The following ZBBX variants were observed in gnomAD, a reference collection of about 807,000 sequenced individuals.
ZBBX encodes zinc finger B-box domain containing.
Under a neutral mutation model 108.5 loss-of-function variants are expected in ZBBX, and 101 were observed. The observed-to-expected ratio is 0.93, with a 90% CI of 0.79 to 1.10. ZBBX has a LOEUF of 1.10. Ranked by LOEUF, ZBBX falls within the 50% of genes least tolerant of loss-of-function variation. The pLI is 0.00. For synonymous variants in ZBBX, 356 were observed against 323.4 expected (o/e 1.10, Z -1.08); for missense variants, 1,009 against 941.4 (o/e 1.07, Z -0.94).
At chr3:167,256,357 G>A (rs892747830) in intron 20 of ZBBX, among the ~76,000 whole-genome samples, 19 of 151,944 alleles carry the variant, frequency 1.3e-4, no homozygotes, top group Non-Finnish European at 2.2e-4. Context: ...TATTTATGGG[G>A]TACATGAAAT....
chr3:167,290,028 C>T (rs1730403593), intron 18 of ZBBX, among the ~76,000 whole-genome samples: 1 of 152,160 alleles, frequency 6.6e-6, no homozygotes, highest in Admixed American at 6.5e-5. Flanking sequence ...GCCAGATTGC[C>T]TTCTCAAGAG....
the ZBBX span, among the ~76,000 whole-genome samples, chr3:167,201,002 T>A: frequency 6.6e-6 from 1 of 152,164 alleles, no homozygotes; most frequent in African/African-American, 2.4e-5. Flanking sequence ...ATAGGCATCA[T>A]GAGCCTGGGT....
intron 18 of ZBBX, among the ~76,000 whole-genome samples, chr3:167,290,516 CA>C (rs904730089): frequency 1.3e-5 from 2 of 151,746 alleles, no homozygotes; most frequent in Non-Finnish European, 2.9e-5. Context: ...ACAACATCAA[CA>C]AAAAAAACAT....
At chr3:167,350,361 T>G in intron 9 of ZBBX, 59 bp downstream of exon 9, 1 of 1,346,738 alleles carries the variant, frequency 7.4e-7, no homozygotes, top group East Asian at 2.4e-5. Context: ...ATTTTAAATG[T>G]CTTTATGTGG....
Position 167,333,887 on chromosome 3 carries a change from C to T in ZBBX, c.627G>A (p.Lys209=), listed in dbSNP as rs779419065. The T allele has an allele frequency of 5.0e-6, 8 of 1,612,512 alleles. No homozygotes were observed. Among genetic ancestry groups the T allele is most frequent in the South Asian group, 2.2e-5 (2 of 90,912 alleles). ...DEPKEENNST[K]ETSKIQHKPK... ...GTTTATGTTGAATTTTACTGGTTTC[C>T]TTTGTAGAATTATTCTCCTCTTTGG... The change falls in exon 10 of 22, where the codon AAG becomes AAA. Residue 209 remains lysine, a synonymous_variant. Coordinates refer to ENST00000675490, the MANE Select transcript of ZBBX (RefSeq NM_001199201.2).
At chr3:167,256,428 T>C (rs1419377349) in intron 20 of ZBBX, among the ~76,000 whole-genome samples, 1 of 149,988 alleles carries the variant, frequency 6.7e-6, no homozygotes, top group Non-Finnish European at 1.5e-5. Flanking sequence ...TATCCATCCC[T>C]TCAAGCACTT....
chr3:167,374,770 G>A (rs1746687315), intron 2 of ZBBX, among the ~76,000 whole-genome samples: 1 of 152,104 alleles, frequency 6.6e-6, no homozygotes, highest in Non-Finnish European at 1.5e-5. Context: ...ATTTATACAT[G>A]TGATAATATA....
At chr3:167,301,968 A>C (rs1157115304) in intron 17 of ZBBX, among the ~76,000 whole-genome samples, 2 of 151,692 alleles carry the variant, frequency 1.3e-5, no homozygotes, top group East Asian at 3.9e-4. Context: ...AAAAAAAAAA[A>C]AAAAAAAAAA....
At chr3:167,253,430 T>A (rs563496168) in intron 20 of ZBBX, among the ~76,000 whole-genome samples, 1 of 151,768 alleles carries the variant, frequency 6.6e-6, no homozygotes, top group African/African-American at 2.4e-5. Context: ...GACAAGAAAA[T>A]TGCAAATCTG....
chr3:167,248,701 T>C (rs937906198), intron 20 of ZBBX: 5 of 456,052 alleles, frequency 1.1e-5, no homozygotes, highest in Non-Finnish European at 2.2e-5. Context: ...ACAGGTATAA[T>C]GTAAATGGGC....
the ZBBX span, among the ~76,000 whole-genome samples, chr3:167,195,190 C>G: frequency 2.0e-5 from 3 of 152,140 alleles, no homozygotes; most frequent in Non-Finnish European, 4.4e-5. Flanking sequence ...TAATCAGTGA[C>G]AGCAAAGACC....
At chr3:167,189,114 G>C in the ZBBX span, among the ~76,000 whole-genome samples, 5 of 152,032 alleles carry the variant, frequency 3.3e-5, no homozygotes, top group East Asian at 9.7e-4. Context: ...AATTAAGTTT[G>C]GTCTAGAGTA....
Position 167,350,483 on chromosome 3 carries a change from T to C in ZBBX, c.465A>G (p.Ser155=). 2 of 1,593,184 alleles carry C rather than the reference T, an allele frequency of 1.3e-6. No homozygotes were observed. The highest frequency in any genetic ancestry group is 1.7e-5 in the Admixed American group (1 of 59,440). The change falls in exon 9 of 22, where the codon TCA becomes TCG. Residue 155 remains serine (S), a synonymous_variant. Coordinates refer to ENST00000675490, the MANE Select transcript of ZBBX (RefSeq NM_001199201.2). ...VCLECGEDYC[S]GCFAKVHQKG... ...TCTGGTGAACTTTAGCAAAGCATCC[T>C]GAACAATAATCTTCTCCACATTCAA...
At chr3:167,272,523 G>A (rs1006961757) in intron 20 of ZBBX, among the ~76,000 whole-genome samples, 8 of 152,144 alleles carry the variant, frequency 5.3e-5, no homozygotes, top group South Asian at 2.1e-4. Context: ...CGTCCACCCC[G>A]AAGTCATGGG....
chr3:167,343,268 T>C (rs1015909638), intron 9 of ZBBX, among the ~76,000 whole-genome samples: 28 of 151,870 alleles, frequency 1.8e-4, no homozygotes, highest in African/African-American at 6.5e-4. Flanking sequence ...ATCACAGAAA[T>C]ACTCACCTCT....
the ZBBX span, among the ~76,000 whole-genome samples, chr3:167,193,844 G>A: frequency 2.0e-5 from 3 of 152,048 alleles, no homozygotes; most frequent in African/African-American, 7.2e-5. Flanking sequence ...TGAAACTGCT[G>A]GTTATTATGT....
chr3:167,262,209 G>T (rs889301647), intron 20 of ZBBX, among the ~76,000 whole-genome samples: 1 of 152,122 alleles, frequency 6.6e-6, no homozygotes, highest in Admixed American at 6.5e-5. Flanking sequence ...TGTGGGTCGG[G>T]GGGGGCGTCT....
intron 10 of ZBBX, among the ~76,000 whole-genome samples, chr3:167,332,051 G>A (rs1356190921): frequency 6.6e-6 from 1 of 152,034 alleles, no homozygotes; most frequent in East Asian, 1.9e-4. Flanking sequence ...CCCTAACCCA[G>A]ATGTAAATAT....
At chr3:167,398,173 T>C (rs192350784) in intron 1 of ZBBX, among the ~76,000 whole-genome samples, 5 of 152,174 alleles carry the variant, frequency 3.3e-5, no homozygotes, top group Admixed American at 2.6e-4. Flanking sequence ...GAAAACTGAT[T>C]TGTGGGCTCT....
Sources: gnomAD v4.1 joint callset for allele counts (sites outside exome capture counted in the v4.1 genomes callset) on GRCh38, gnomAD v4.1.1 for gene constraint, MANE v1.5 for transcripts, NCBI Gene and HGNC (gene_info 2026-07-23, HGNC 2026-07-21) for gene names.